The following TOX variants were observed in gnomAD, a reference collection of about 807,000 sequenced individuals.
The protein encoded by TOX is thymocyte selection associated high mobility group box.
A neutral mutation model predicts 53.7 loss-of-function variants in TOX; 11 were observed. The observed-to-expected ratio is 0.20, with a 90% CI of 0.13 to 0.34. The LOEUF is 0.34. TOX is among the 10% of genes least tolerant of loss of function. TOX has a pLI of 1.00. For synonymous variants in TOX, 225 were observed against 245.3 expected (o/e 0.92, Z 0.77); for missense variants, 570 against 664.6 (o/e 0.86, Z 1.56).
At chr8:58,886,929 C>T (rs1811478342) in intron 3 of TOX, among the ~76,000 whole-genome samples, 1 of 151,662 alleles carries the variant, frequency 6.6e-6, no homozygotes, top group Non-Finnish European at 1.5e-5. Context: ...CATTATTTTA[C>T]TATGAGAATT....
At chr8:58,854,149 A>G (rs1020757029) in intron 3 of TOX, among the ~76,000 whole-genome samples, 51 of 152,202 alleles carry the variant, frequency 3.4e-4, no homozygotes, top group African/African-American at 1.2e-3. Context: ...AGCATTTAGT[A>G]GCAAAATCAT....
chr8:59,056,327 G>A (rs927056404), intron 1 of TOX, among the ~76,000 whole-genome samples: 6 of 150,132 alleles, frequency 4.0e-5, no homozygotes, highest in African/African-American at 1.5e-4. Context: ...CGCTACTAGG[G>A]AGGCTAAGGC....
intron 3 of TOX, among the ~76,000 whole-genome samples, chr8:58,916,015 A>G (rs1812012172): frequency 2.6e-5 from 1 of 38,458 alleles, no homozygotes; most frequent in Non-Finnish European, 5.2e-5. Flanking sequence ...AAGAATAAAA[A>G]GAAATGAGCA....
rs76902546 is a variant in TOX at position 58,806,060 on chromosome 8, G to A, written c.*1687C>T. ...TCTTGATATGATCCCCTAAAAAGGA[G>A]TAAATCTGCTAGCTTTTTCTTTTTT... On this transcript the variant is annotated 3_prime_UTR_variant, in exon 9 of 9. Transcript: ENST00000361421. The A allele has an allele frequency of 6.6e-6, 1 of 152,500 alleles. No homozygotes were observed. Among genetic ancestry groups the A allele is most frequent in the African/African-American group, 2.4e-5 (1 of 41,448 alleles). 9.4% of individuals were successfully genotyped at this position (152,500 alleles called of 1,614,324 possible). A position where few individuals can be genotyped will look rare whatever the true frequency, so the allele number is the denominator to read the frequency against.
In TOX at chr8:58,840,504, A is replaced by G. The variant is rs553810062; in HGVS notation, c.694-2193T>C. ...TGGTGCTCCTCAAACATGGCTGCAC[A>G]TTAGAGTCACCTGGTCAGCTTTTAA... On this transcript the variant is annotated intron_variant, in intron 4 of 8. Coordinates refer to ENST00000361421, the MANE Select transcript of TOX (RefSeq NM_014729.3). 1.7e-3 allele frequency among the ~76,000 whole-genome samples: 256 copies of G among 152,314 alleles called. 1 individual carries two copies. The highest frequency in any genetic ancestry group is 6.8e-3 in the Middle Eastern group (2 of 294).
intron 1 of TOX, among the ~76,000 whole-genome samples, chr8:59,080,758 C>T (rs10100312): frequency 0.046 from 7,048 of 152,182 alleles, 550 homozygotes; most frequent in African/African-American, 0.16. Context: ...CTGTTTTCAA[C>T]ATGTGATGTG....
intron 3 of TOX, among the ~76,000 whole-genome samples, chr8:58,857,920 C>T (rs1023677907): frequency 7.9e-5 from 12 of 152,226 alleles, no homozygotes; most frequent in Non-Finnish European, 1.0e-4. Context: ...CAGGCATGTG[C>T]CACAACACCC....
intron 5 of TOX, among the ~76,000 whole-genome samples, chr8:58,830,619 T>C (rs10099884): frequency 0.13 from 19,075 of 152,190 alleles, 1,387 homozygotes; most frequent in African/African-American, 0.18. Flanking sequence ...CCAGCTCATA[T>C]AGAAAAGCAA....
At position 58,873,959 on chromosome 8, in the gene TOX, T is replaced by TC. The variant is rs1491390861; in HGVS notation, c.412-22155_412-22154insG. ...ATACACATCCTGAATGCCAGGAAGC[T>TC]TTTTTTTTTTTTTTTTTTTTTTTTT... On this transcript the variant is annotated intron_variant, in intron 3 of 8. Transcript: ENST00000361421. 1.9e-4 allele frequency among the ~76,000 whole-genome samples: 12 copies of TC among 62,474 alleles called. 1 individual carries two copies. Among genetic ancestry groups the TC allele is most frequent in the African/African-American group, 6.0e-4 (12 of 20,016 alleles). The allele number at this position is 62,474 out of a possible 152,430, so 41.0% of individuals were successfully genotyped here.
At chr8:58,946,737 C>G (rs2129177179) in intron 2 of TOX, among the ~76,000 whole-genome samples, 1 of 152,184 alleles carries the variant, frequency 6.6e-6, no homozygotes, top group Non-Finnish European at 1.5e-5. Flanking sequence ...AAATAAAAAG[C>G]AATGAGTGCC....
At chr8:59,024,124 G>T (rs1386379183) in intron 1 of TOX, among the ~76,000 whole-genome samples, 1 of 152,140 alleles carries the variant, frequency 6.6e-6, no homozygotes, top group Non-Finnish European at 1.5e-5. Context: ...TCTCGCACTG[G>T]ATTATAAACT....
chr8:59,020,984 A>G lies in TOX; in HGVS notation c.103-60976T>C, dbSNP rs143550043. Among the ~76,000 whole-genome samples, 448 of 151,964 alleles carry G rather than the reference A, an allele frequency of 2.9e-3. 1 individual carries two copies. The highest frequency in any genetic ancestry group is 0.01 in the African/African-American group (418 of 41,450). On this transcript the variant is annotated intron_variant, in intron 1 of 8. Coordinates refer to ENST00000361421, the MANE Select transcript of TOX (RefSeq NM_014729.3). The stretch of plus-strand genomic sequence containing the variant: ...AAAAGAATCAGCCAGGCATGGTGGT[A>G]CATGCCTGTAGTCCCAGCTACTCAG...
chr8:59,039,648 T>A (rs1399795133), intron 1 of TOX, among the ~76,000 whole-genome samples: 1 of 152,170 alleles, frequency 6.6e-6, no homozygotes, highest in Non-Finnish European at 1.5e-5. Context: ...TTCTCATTAC[T>A]CTCTTATCAT....
chr8:58,931,860 T>C (rs754491645), intron 3 of TOX, among the ~76,000 whole-genome samples: 2 of 152,226 alleles, frequency 1.3e-5, no homozygotes, highest in Non-Finnish European at 2.9e-5. Flanking sequence ...AGAACTCCTA[T>C]ATACCAAGTG....
At chr8:58,944,938 GTATT>G in intron 2 of TOX, among the ~76,000 whole-genome samples, 1 of 152,232 alleles carries the variant, frequency 6.6e-6, no homozygotes, top group South Asian at 2.1e-4. Context: ...CATACCTAAT[GTATT>G]TATTTATTTG....
intron 3 of TOX, among the ~76,000 whole-genome samples, chr8:58,899,018 G>A (rs2129172596): frequency 6.6e-6 from 1 of 152,262 alleles, no homozygotes; most frequent in Non-Finnish European, 1.5e-5. Flanking sequence ...GTGCAGCCCT[G>A]CCCTGGTCTC....
intron 3 of TOX, among the ~76,000 whole-genome samples, chr8:58,872,001 G>C (rs1040884147): frequency 2.0e-5 from 3 of 151,934 alleles, no homozygotes; most frequent in East Asian, 1.9e-4. Flanking sequence ...AAGAAATAAG[G>C]CTCCTTAGAA....
chr8:58,976,186 T>A (rs1027948429), intron 1 of TOX, among the ~76,000 whole-genome samples: 8 of 152,234 alleles, frequency 5.3e-5, no homozygotes, highest in African/African-American at 1.9e-4. Flanking sequence ...ATGTCAAAAT[T>A]GGAGTCAATT....
intron 3 of TOX, among the ~76,000 whole-genome samples, chr8:58,884,305 C>T (rs1004791811): frequency 2.0e-5 from 3 of 152,116 alleles, no homozygotes; most frequent in East Asian, 1.9e-4. Flanking sequence ...TTGATTTTTC[C>T]GCCAAATGGA....
Sources: allele counts gnomAD v4.1 joint callset (sites outside exome capture counted in the v4.1 genomes callset), GRCh38; gene constraint gnomAD v4.1.1; transcripts MANE v1.5; gene names NCBI Gene and HGNC (gene_info 2026-07-23, HGNC 2026-07-21).